HIGD1C: variants seen among roughly 807,000 people sequenced by gnomAD.
The protein encoded by HIGD1C is HIG1 domain family member 1C.
Under a neutral mutation model 13.1 loss-of-function variants are expected in HIGD1C, and 11 were observed. The ratio of observed to expected loss-of-function variants is 0.84; its 90% CI spans 0.53 to 1.39. The LOEUF (loss-of-function observed/expected upper bound fraction) is 1.39, where lower values mean the gene tolerates loss of function less well. Ranked by LOEUF, HIGD1C falls within the 40% of genes most tolerant of loss-of-function variation. The pLI is 0.00. For missense variants in HIGD1C, 110 were observed against 112.0 expected (o/e 0.98, Z 0.08); for synonymous variants, 36 against 37.7 (o/e 0.95, Z 0.17).
upstream of HIGD1C, among the ~76,000 whole-genome samples, chr12:50,949,573 G>C (rs191563574): frequency 6.7e-5 from 8 of 119,732 alleles, no homozygotes; most frequent in Admixed American, 3.5e-4. Flanking sequence ...TCACTCTGTC[G>C]TCCAGGCTGG....
chr12:50,964,197 A>G (rs1939455335), intron 2 of HIGD1C, among the ~76,000 whole-genome samples: 1 of 152,270 alleles, frequency 6.6e-6, no homozygotes, highest in South Asian at 2.1e-4. Flanking sequence ...AAAATAAGGA[A>G]GAAACACTCC....
chr12:50,960,874 C>G, intron 1 of HIGD1C, 94 bp from the exon 4 acceptor site: 2 of 1,051,366 alleles, frequency 1.9e-6, no homozygotes, highest in Non-Finnish European at 1.3e-6. Context: ...GAGATGGGGT[C>G]TTGCTATGTT....
chr12:50,945,146 T>C, the HIGD1C span, among the ~76,000 whole-genome samples: 2 of 152,088 alleles, frequency 1.3e-5, no homozygotes, highest in African/African-American at 4.8e-5. Flanking sequence ...GGGCAAAAAC[T>C]GGAAGCATTC....
the HIGD1C span, chr12:50,939,857 A>G: frequency 6.6e-6 from 1 of 151,956 alleles, no homozygotes; most frequent in African/African-American, 2.4e-5. Flanking sequence ...TTATTTTTCT[A>G]TCAGAAAAGA....
At chr12:50,945,439 AACAG>A in the HIGD1C span, among the ~76,000 whole-genome samples, 3 of 152,104 alleles carry the variant, frequency 2.0e-5, no homozygotes, top group African/African-American at 2.4e-5. Flanking sequence ...ATACACCAAT[AACAG>A]ACAGAGAGCC....
intron 1 of HIGD1C, among the ~76,000 whole-genome samples, chr12:50,956,833 A>G (rs1437357221): frequency 6.6e-6 from 1 of 152,134 alleles, no homozygotes; most frequent in Non-Finnish European, 1.5e-5. Context: ...TCCTTGGAGT[A>G]TGTTCCCAGA....
At chr12:50,970,556 A>T (rs1390574256), downstream of HIGD1C, 24 of 1,124,392 alleles carry the variant, frequency 2.1e-5, no homozygotes, top group Non-Finnish European at 3.1e-5. Context: ...AAAACTATTT[A>T]TTATGAAGAA....
upstream of HIGD1C, chr12:50,953,785 G>T: frequency 2.1e-6 from 1 of 481,076 alleles, no homozygotes; most frequent in Non-Finnish European, 3.7e-6. Flanking sequence ...TTTCCTCTAT[G>T]TATTTTTTTC....
chr12:50,941,498 G>A, the HIGD1C span, among the ~76,000 whole-genome samples: 1 of 152,158 alleles, frequency 6.6e-6, no homozygotes, highest in Non-Finnish European at 1.5e-5. Flanking sequence ...GGTAAAAATG[G>A]TGCCATCTAA....
chr12:50,972,405 T>C (rs1396397029), downstream of HIGD1C, among the ~76,000 whole-genome samples: 1 of 152,200 alleles, frequency 6.6e-6, no homozygotes, highest in East Asian at 1.9e-4. Context: ...TATGTTTAAA[T>C]TAAAATGTAA....
the HIGD1C span, among the ~76,000 whole-genome samples, chr12:50,934,516 C>T: frequency 6.6e-6 from 1 of 152,148 alleles, no homozygotes; most frequent in Non-Finnish European, 1.5e-5. Flanking sequence ...TGGCTTAGAG[C>T]CCTGAATAAC....
chr12:50,942,194 T>C, the HIGD1C span, among the ~76,000 whole-genome samples: 1 of 152,220 alleles, frequency 6.6e-6, no homozygotes, highest in Non-Finnish European at 1.5e-5. Flanking sequence ...TGTTCCCTTG[T>C]TCTGTTGCCA....
chr12:50,941,025 A>G, the HIGD1C span, among the ~76,000 whole-genome samples: 1 of 151,736 alleles, frequency 6.6e-6, no homozygotes, highest in Non-Finnish European at 1.5e-5. Flanking sequence ...ATTTATTTTT[A>G]TTTTTATTTT....
downstream of HIGD1C, among the ~76,000 whole-genome samples, chr12:50,972,468 C>T (rs747845863): frequency 3.0e-4 from 45 of 152,212 alleles, no homozygotes; most frequent in Non-Finnish European, 2.8e-4. Flanking sequence ...TGGTCACAAT[C>T]GAATCACTCG....
At chr12:50,953,669 A>G (rs1168682176), upstream of HIGD1C, among the ~76,000 whole-genome samples, 1 of 152,250 alleles carries the variant, frequency 6.6e-6, no homozygotes, top group South Asian at 2.1e-4. Flanking sequence ...TTGTGGAAGA[A>G]GTCCTGAGGT....
At chr12:50,942,328 G>A in the HIGD1C span, among the ~76,000 whole-genome samples, 1 of 152,124 alleles carries the variant, frequency 6.6e-6, no homozygotes, top group Non-Finnish European at 1.5e-5. Flanking sequence ...TGGAAACCAG[G>A]ACATCATCCT....
At chr12:50,953,850 A>C, upstream of HIGD1C, 1 of 555,566 alleles carries the variant, frequency 1.8e-6, no homozygotes, top group East Asian at 2.9e-5. Context: ...TGTGAAGGAA[A>C]GACAATTGTT....
exon 1 of HIGD1C, chr12:50,953,996 A>T: frequency 6.3e-7 from 1 of 1,597,964 alleles, no homozygotes; most frequent in Non-Finnish European, 8.6e-7. Flanking sequence ...ACTAGAGAAA[A>T]AAATGTCTTC....
At chr12:50,943,404 A>G in the HIGD1C span, among the ~76,000 whole-genome samples, 1 of 152,090 alleles carries the variant, frequency 6.6e-6, no homozygotes, top group African/African-American at 2.4e-5. Context: ...TTCTCCAAAA[A>G]TGCCTTTCTT....
Sources: allele counts gnomAD v4.1 joint callset (sites outside exome capture counted in the v4.1 genomes callset), GRCh38; gene constraint gnomAD v4.1.1; transcripts MANE v1.5; gene names NCBI Gene and HGNC (gene_info 2026-07-23, HGNC 2026-07-21).